FOXK1: variants seen among roughly 807,000 people sequenced by gnomAD.
FOXK1 encodes forkhead box K1.
In FOXK1, 19 loss-of-function variants were observed where a neutral mutation model predicts 51.9. That is an observed-to-expected ratio of 0.37 (90% confidence interval 0.26 to 0.54). The LOEUF is 0.54. Among genes scored for constraint, FOXK1 ranks in the 20% least tolerant of loss-of-function variants. The probability of loss-of-function intolerance (pLI) is 0.87; values close to 1 mark genes in which losing one functional copy is unlikely to be tolerated. For missense variants in FOXK1, 870 were observed against 1,032.7 expected (o/e 0.84, Z 2.16); for synonymous variants, 537 against 482.6 (o/e 1.11, Z -1.48).
In FOXK1 at chr7:4,755,486, G is replaced by T. The variant is rs1780835228; in HGVS notation, c.1050+103G>T. On this transcript the variant is annotated intron_variant, in intron 4 of 8. Transcript: ENST00000328914. This position sits in a 1 kb window ranked among gnomAD's most constrained non-coding sequence, Gnocchi z 6.6. ...AAAACAGAAGAGGGCCAGTGAGGGG[G>T]CTCACGCCTGGAACCCTAGCATTTT... 2.0e-6 allele frequency: 3 copies of T among 1,468,676 alleles called. No individual in the cohort carries two copies. The highest frequency in any genetic ancestry group is 2.8e-6 in the Non-Finnish European group (3 of 1,087,344). 91.0% of individuals were successfully genotyped at this position (1,468,676 alleles called of 1,614,324 possible).
intron 1 of FOXK1, among the ~76,000 whole-genome samples, chr7:4,704,585 C>T (rs1054610583): frequency 3.3e-5 from 5 of 151,680 alleles, no homozygotes; most frequent in East Asian, 3.9e-4. Context: ...TTCCCTATTT[C>T]GGAACTGGAT....
chr7:4,725,554 T>C (rs1223070110), intron 1 of FOXK1, among the ~76,000 whole-genome samples: 2 of 152,246 alleles, frequency 1.3e-5, no homozygotes, highest in Admixed American at 6.5e-5. Flanking sequence ...TCACTGCCTT[T>C]GTGCGGCCGG....
At chr7:4,705,985 T>TACAC (rs1562373036) in intron 1 of FOXK1, among the ~76,000 whole-genome samples, 109 of 95,668 alleles carry the variant, frequency 1.1e-3, no homozygotes, top group African/African-American at 8.3e-3. Flanking sequence ...TATATATACG[T>TACAC]ATATATACGT....
chr7:4,698,219 C>T (rs374376732), intron 1 of FOXK1, among the ~76,000 whole-genome samples: 4 of 151,932 alleles, frequency 2.6e-5, no homozygotes, highest in East Asian at 3.9e-4. Flanking sequence ...GTCCTCTGCC[C>T]AGATTTGTTC....
intron 1 of FOXK1, among the ~76,000 whole-genome samples, chr7:4,737,330 C>T (rs889555228): frequency 6.6e-6 from 1 of 152,190 alleles, no homozygotes; most frequent in African/African-American, 2.4e-5. Context: ...GTTGAGGGAA[C>T]TGGAGAAAAG....
At chr7:4,701,349 G>A (rs1423487968) in intron 1 of FOXK1, among the ~76,000 whole-genome samples, 2 of 152,198 alleles carry the variant, frequency 1.3e-5, no homozygotes, top group African/African-American at 2.4e-5. Flanking sequence ...GGAGGACACT[G>A]AGATAAGAAG....
intron 1 of FOXK1, among the ~76,000 whole-genome samples, chr7:4,695,883 C>T (rs1034538893): frequency 6.6e-5 from 10 of 151,598 alleles, no homozygotes; most frequent in Middle Eastern, 3.4e-3. Context: ...TTGCGGTGAG[C>T]CGAGATGGTG....
In FOXK1 at chr7:4,736,548, G is replaced by C. The variant is rs527914889; in HGVS notation, c.561-4290G>C. On this transcript the variant is annotated intron_variant, in intron 1 of 8. Transcript: ENST00000328914. ...CTGCCTCAGCCTCCCGAGTAGCTGG[G>C]ATTACATGTGTGTGCCACCATGCCT... Among the ~76,000 whole-genome samples, 12 of 152,106 alleles carry C rather than the reference G, an allele frequency of 7.9e-5. No homozygotes were observed. The South Asian group carries it at 2.5e-3, about 32-fold the overall frequency.
chr7:4,760,925 T>C, intron 7 of FOXK1, 139 bp from the exon 8 acceptor site: 4 of 711,774 alleles, frequency 5.6e-6, no homozygotes, highest in Admixed American at 2.2e-5. Flanking sequence ...ATTTCACCCA[T>C]GGGATTTTCC....
At chr7:4,699,425 G>C (rs1250546957) in intron 1 of FOXK1, among the ~76,000 whole-genome samples, 1 of 151,166 alleles carries the variant, frequency 6.6e-6, no homozygotes, top group East Asian at 1.9e-4. Flanking sequence ...CCGGAGTGCA[G>C]TGACACGATC....
rs1583211256 is a variant in FOXK1 at position 4,755,804 on chromosome 7, G to A, written c.1050+421G>A. 6.6e-6 allele frequency among the ~76,000 whole-genome samples: 1 copy of A among 152,198 alleles called. No homozygotes were observed. The highest frequency in any genetic ancestry group is 2.4e-5 in the African/African-American group (1 of 41,450). ...GGGATGTTTTCACGAATGGCATATG[G>A]TACATCTGAAAGGCATTAGCGCTGT... is the stretch of plus-strand genomic sequence containing the variant. On this transcript the variant is annotated intron_variant, in intron 4 of 8. Coordinates refer to ENST00000328914, the MANE Select transcript of FOXK1 (RefSeq NM_001037165.2). This position sits in a 1 kb window ranked among gnomAD's most constrained non-coding sequence, Gnocchi z 6.6.
chr7:4,753,929 G>C lies in FOXK1; in HGVS notation c.747-530G>C, dbSNP rs1409644114. On this transcript the variant is annotated intron_variant, in intron 2 of 8. Coordinates refer to ENST00000328914, the MANE Select transcript of FOXK1 (RefSeq NM_001037165.2). The surrounding 1 kb of genome is among the most constrained non-coding windows in gnomAD (Gnocchi z 4.9). The stretch of plus-strand genomic sequence containing the variant: ...AACTGCAGGGGTCATCTCTTCCCGA[G>C]GGCGGTGTCTCCAGGAGAGCCACCT... 1.3e-5 allele frequency among the ~76,000 whole-genome samples: 2 copies of C among 152,206 alleles called. No individual in the cohort carries two copies. The highest frequency in any genetic ancestry group is 1.3e-4 in the Admixed American group (2 of 15,288).
chr7:4,762,289 T>TCGCGGC lies in FOXK1; in HGVS notation c.2029_2034dup (p.Ala677_Ala678dup). The TCGCGGC allele has an allele frequency of 4.5e-6, 7 of 1,550,334 alleles. No individual in the cohort carries two copies. Among genetic ancestry groups the TCGCGGC allele is most frequent in the Non-Finnish European group, 6.1e-6 (7 of 1,146,774 alleles). Reference sequence around the variant, plus strand: ...GGGCCCAAGGAGCCAGCAGCAGCCGTCGCGGCCACGGCCACCACCACCCCA... The same window carrying TCGCGGC: ...GGGCCCAAGGAGCCAGCAGCAGCCGTCGCGGCCGCGGCCACGGCCACCACCACCCCA... On this transcript the variant is annotated inframe_insertion, in exon 9 of 9. Coordinates refer to ENST00000328914, the MANE Select transcript of FOXK1 (RefSeq NM_001037165.2). The surrounding 1 kb of genome is among the most constrained non-coding windows in gnomAD (Gnocchi z 5.7).
chr7:4,740,408 C>T (rs10259917), intron 1 of FOXK1, among the ~76,000 whole-genome samples: 4,186 of 137,242 alleles, frequency 0.031, 176 homozygotes, highest in African/African-American at 0.11. Flanking sequence ...CCAGCCTGGG[C>T]GACAGAGTGA....
At chr7:4,700,133 AC>A (rs1251566133) in intron 1 of FOXK1, among the ~76,000 whole-genome samples, 2 of 152,154 alleles carry the variant, frequency 1.3e-5, no homozygotes, top group Admixed American at 1.3e-4. Flanking sequence ...GCACTGCAGC[AC>A]CCCACGGCAC....
Position 4,748,822 on chromosome 7 carries a change from G to T in FOXK1, c.747-5637G>T, listed in dbSNP as rs1458210850. 6.6e-6 allele frequency among the ~76,000 whole-genome samples: 1 copy of T among 152,184 alleles called. No individual in the cohort carries two copies. Among genetic ancestry groups the T allele is most frequent in the African/African-American group, 2.4e-5 (1 of 41,444 alleles). ...GCCTCCCGAGTAGTAGGGACTACAG[G>T]TGTGCACCACCATGCCCGGCTAATT... is the stretch of plus-strand genomic sequence containing the variant. On this transcript the variant is annotated intron_variant, in intron 2 of 8. Transcript: ENST00000328914. This position sits in a 1 kb window ranked among gnomAD's most constrained non-coding sequence, Gnocchi z 4.9.
chr7:4,757,899 T>G (rs1040329145), intron 5 of FOXK1: 3 of 152,168 alleles, frequency 2.0e-5, no homozygotes, highest in Non-Finnish European at 4.4e-5. Context: ...ACTTAAAGAC[T>G]GCACCATTTT....
rs1780482318 is a variant in FOXK1, at chr7:4,731,880, A to AGTAACCGCTTGCTACGTGCCAGCC, written c.561-8955_561-8932dup. On this transcript the variant is annotated intron_variant, in intron 1 of 8. Transcript: ENST00000328914. This position sits in a 1 kb window ranked among gnomAD's most constrained non-coding sequence, Gnocchi z 5.3. Reference sequence around the variant, plus strand: ...ACAAGAATAACTGAAGCACATTTTCAGTAACCGCTTGCTACGTGCCAGCCG... The same window carrying AGTAACCGCTTGCTACGTGCCAGCC: ...ACAAGAATAACTGAAGCACATTTTCAGTAACCGCTTGCTACGTGCCAGCCGTAACCGCTTGCTACGTGCCAGCCG... 6.6e-6 allele frequency among the ~76,000 whole-genome samples: 1 copy of AGTAACCGCTTGCTACGTGCCAGCC among 152,068 alleles called. No individual in the cohort carries two copies. The highest frequency in any genetic ancestry group is 1.5e-5 in the Non-Finnish European group (1 of 68,036).
intron 1 of FOXK1, among the ~76,000 whole-genome samples, chr7:4,706,804 C>T (rs1272804902): frequency 6.6e-6 from 1 of 152,114 alleles, no homozygotes; most frequent in Non-Finnish European, 1.5e-5. Context: ...CATCGCTGAC[C>T]CCGGAGTTGG....
Sources: gnomAD v4.1 joint callset for allele counts (sites outside exome capture counted in the v4.1 genomes callset) on GRCh38, gnomAD v4.1.1 for gene constraint, Gnocchi (gnomAD v3.1) non-coding constraint, MANE v1.5 for transcripts, NCBI Gene and HGNC (gene_info 2026-07-23, HGNC 2026-07-21) for gene names.